Variants in ZNF10 observed in about 807,000 individuals in gnomAD.
The protein encoded by ZNF10 is zinc finger protein 10 (KOX 1).
ZNF10 carries 8 observed loss-of-function variants against 12.2 expected under a neutral mutation model. The observed-to-expected ratio is 0.66, with a 90% CI of 0.39 to 1.18. The LOEUF (loss-of-function observed/expected upper bound fraction) is 1.18. Among genes scored for constraint, ZNF10 ranks in the 50% most tolerant of loss-of-function variants. The pLI is 0.01. For missense variants in ZNF10, 603 were observed against 678.9 expected (o/e 0.89, Z 1.24); for synonymous variants, 229 against 228.2 (o/e 1.00, Z -0.03).
intron 1 of ZNF10, among the ~76,000 whole-genome samples, chr12:133,133,476 T>G (rs1367546247): frequency 6.6e-6 from 1 of 152,316 alleles, no homozygotes; most frequent in African/African-American, 2.4e-5. Flanking sequence ...GTCCTAATTC[T>G]TAAGTGGTTC....
chr12:133,133,220 G>C (rs958626793), intron 1 of ZNF10, among the ~76,000 whole-genome samples: 1 of 152,026 alleles, frequency 6.6e-6, no homozygotes, highest in Non-Finnish European at 1.5e-5. Flanking sequence ...GTGGCTGCTG[G>C]GTCCTTTTTG....
rs149102171 is a variant in ZNF10 at position 133,150,766 on chromosome 12, T to G, written c.34-262T>G. ...TCCCCCTGCCATAGCTGTTTAAAAT[T>G]TAATTTAAATAAAAATGCTTATGAC... On this transcript the variant is annotated intron_variant, in intron 2 of 4. Coordinates refer to ENST00000248211, the MANE Select transcript of ZNF10 (RefSeq NM_015394.5). Among the ~76,000 whole-genome samples the G allele has an allele frequency of 2.1e-3, 318 of 152,326 alleles. 1 individual carries two copies. The highest frequency in any genetic ancestry group is 7.3e-3 in the African/African-American group (304 of 41,568).
rs552782195 is a variant in ZNF10, at chr12:133,158,279, A to G, written c.*1311A>G. On this transcript the variant is annotated 3_prime_UTR_variant, in exon 5 of 5. Coordinates refer to ENST00000248211, the MANE Select transcript of ZNF10 (RefSeq NM_015394.5). Reference sequence around the variant, plus strand: ...TAGTTACTGGCTGTGATTATTAATAATATTGCCGCACCCTAATATCTGTTA... The same window carrying G: ...TAGTTACTGGCTGTGATTATTAATAGTATTGCCGCACCCTAATATCTGTTA... 3.2e-4 allele frequency: 48 copies of G among 152,298 alleles called. No homozygotes were observed. The highest frequency in any genetic ancestry group is 1.0e-3 in the African/African-American group (43 of 41,572). The allele number at this position is 152,298 out of a possible 1,614,324, so 9.4% of individuals were successfully genotyped here. A position where few individuals can be genotyped will look rare whatever the true frequency, so the allele number is the denominator to read the frequency against.
intron 2 of ZNF10, among the ~76,000 whole-genome samples, chr12:133,148,751 G>GTTTTTTT (rs34626298): frequency 7.9e-6 from 1 of 126,742 alleles, no homozygotes; most frequent in Non-Finnish European, 1.7e-5. Context: ...TTCAATGTTG[G>GTTTTTTT]TTTTTTTTTT....
At chr12:133,141,051 C>T (rs1955941835) in intron 1 of ZNF10, among the ~76,000 whole-genome samples, 1 of 152,150 alleles carries the variant, frequency 6.6e-6, no homozygotes, top group South Asian at 2.1e-4. Context: ...TCTATTCCCA[C>T]CAGCCAGACT....
chr12:133,150,548 T>C (rs1243008534), intron 2 of ZNF10, among the ~76,000 whole-genome samples: 1 of 151,786 alleles, frequency 6.6e-6, no homozygotes, highest in Non-Finnish European at 1.5e-5. Flanking sequence ...ACTGCTAAAA[T>C]ATAATCTCCC....
intron 1 of ZNF10, among the ~76,000 whole-genome samples, chr12:133,133,432 T>C (rs1449620015): frequency 6.6e-6 from 1 of 152,208 alleles, no homozygotes; most frequent in Non-Finnish European, 1.5e-5. Flanking sequence ...GCTAAGCACT[T>C]TGCTAGCCTC....
At chr12:133,133,263 A>G (rs1313499351) in intron 1 of ZNF10, among the ~76,000 whole-genome samples, 1 of 152,214 alleles carries the variant, frequency 6.6e-6, no homozygotes, top group Non-Finnish European at 1.5e-5. Context: ...TGAAGCAAAT[A>G]CTGGTAAACC....
In ZNF10 at chr12:133,153,611, GAACT is replaced by G. The variant is rs201140677; in HGVS notation, c.256+1714_256+1717del. Among the ~76,000 whole-genome samples, 1,308 of 152,188 alleles carry G rather than the reference GAACT, an allele frequency of 8.6e-3. 10 individuals carry two copies. The highest frequency in any genetic ancestry group is 0.03 in the African/African-American group (1,246 of 41,488). On this transcript the variant is annotated intron_variant, in intron 4 of 4. Transcript: ENST00000248211. ...ATCATCAGGATGGGGAAGAAACTAG[GAACT>G]AACTAAGTGGTAAGGGACAGGACTG...
intron 2 of ZNF10, among the ~76,000 whole-genome samples, chr12:133,147,038 T>C (rs1481425531): frequency 6.6e-6 from 1 of 152,190 alleles, no homozygotes; most frequent in Non-Finnish European, 1.5e-5. Flanking sequence ...TCCTTTCATA[T>C]AGCATAATGT....
intron 4 of ZNF10, 64 bp from the exon 5 acceptor site, chr12:133,155,439 T>A (rs918220797): frequency 2.0e-5 from 30 of 1,488,564 alleles, no homozygotes; most frequent in Non-Finnish European, 2.7e-5. Flanking sequence ...TGTCTCCACA[T>A]ACATCCTAGC....
chr12:133,147,308 T>C (rs1467165289), intron 2 of ZNF10, among the ~76,000 whole-genome samples: 1 of 152,224 alleles, frequency 6.6e-6, no homozygotes, highest in African/African-American at 2.4e-5. Flanking sequence ...AGAGTACGTT[T>C]AACTTTATGA....
chr12:133,148,757 T>G (rs570911901), intron 2 of ZNF10, among the ~76,000 whole-genome samples: 10 of 150,438 alleles, frequency 6.6e-5, no homozygotes, highest in African/African-American at 2.2e-4. Context: ...GTTGGTTTTT[T>G]TTTTTTTTTT....
chr12:133,150,617 T>C (rs1024126394), intron 2 of ZNF10, among the ~76,000 whole-genome samples: 4 of 152,058 alleles, frequency 2.6e-5, no homozygotes, highest in Non-Finnish European at 4.4e-5. Flanking sequence ...ATGTTTTGGA[T>C]AATTATTTTA....
intron 1 of ZNF10, among the ~76,000 whole-genome samples, chr12:133,142,229 C>T (rs1001728084): frequency 5.9e-5 from 9 of 152,046 alleles, no homozygotes; most frequent in African/African-American, 1.9e-4. Context: ...TCGAGACCAG[C>T]CTGACCAACA....
chr12:133,136,282 C>T (rs912176418), intron 1 of ZNF10, among the ~76,000 whole-genome samples: 5 of 152,120 alleles, frequency 3.3e-5, no homozygotes, highest in Non-Finnish European at 7.3e-5. Context: ...CTTCTACCTG[C>T]CCTTTCTCTT....
Position 133,140,428 on chromosome 12 carries a change from C to CTT in ZNF10, c.-59-3989_-59-3988dup, listed in dbSNP as rs59083992. Among the ~76,000 whole-genome samples, 183 of 123,406 alleles carry CTT rather than the reference C, an allele frequency of 1.5e-3. 1 individual carries two copies. The highest frequency in any genetic ancestry group is 4.6e-3 in the African/African-American group (160 of 34,508). 81.0% of individuals were successfully genotyped at this position (123,406 alleles called of 152,430 possible). ...CTTGTGTTACTGGGTCACTAGACGT[C>CTT]TTTTTTTTTTTTTTTTTTAAATAAG... On this transcript the variant is annotated intron_variant, in intron 1 of 4. Transcript: ENST00000248211.
chr12:133,156,250 A>T lies in ZNF10; in HGVS notation c.1004A>T (p.His335Leu), dbSNP rs1409109779. 6.2e-7 allele frequency: 1 copy of T among 1,614,148 alleles called. No individual in the cohort carries two copies. Among genetic ancestry groups the T allele is most frequent in the African/African-American group, 1.3e-5 (1 of 75,052 alleles). Reference sequence around the variant, plus strand: ...GGAAAATCCTTCAGCTGGTTCTCTCACCTTGTTACTCATCAGAGAACTCAT... The same window carrying T: ...GGAAAATCCTTCAGCTGGTTCTCTCTCCTTGTTACTCATCAGAGAACTCAT... The part of the protein sequence containing the change: ...ECGKSFSWFS[H>L]LVTHQRTHTG... Residue 335 changes from histidine (H) to leucine (L), a missense_variant, in exon 5 of 5, where the codon CAC (histidine) becomes CTC (leucine). By Grantham distance (99) the His-to-Leu change is moderately conservative. Coordinates refer to ENST00000248211, the MANE Select transcript of ZNF10 (RefSeq NM_015394.5).
rs1291556306 is a variant in ZNF10, at chr12:133,156,601, A to G, written c.1355A>G (p.Gln452Arg). 7 of 1,613,902 alleles carry G rather than the reference A, an allele frequency of 4.3e-6. No individual in the cohort carries two copies. Among genetic ancestry groups the G allele is most frequent in the Non-Finnish European group, 5.9e-6 (7 of 1,180,000 alleles). ...CGAAGCTCTCACCTTTATTCACATCAAAGAACCCACACTGGAGAGAAACCA... is the reference window on the plus strand; with the variant it reads ...CGAAGCTCTCACCTTTATTCACATCGAAGAACCCACACTGGAGAGAAACCA... ...FSRSSHLYSH[Q>R]RTHTGEKPYE... Residue 452 changes from glutamine (Q) to arginine (R), a missense_variant, in exon 5 of 5, where the codon CAA becomes CGA. Coordinates refer to ENST00000248211, the MANE Select transcript of ZNF10 (RefSeq NM_015394.5).
Sources: allele counts gnomAD v4.1 joint callset (sites outside exome capture counted in the v4.1 genomes callset), GRCh38; gene constraint gnomAD v4.1.1; transcripts MANE v1.5; gene names NCBI Gene and HGNC (gene_info 2026-07-23, HGNC 2026-07-21).